The following RYR1 variants were observed in gnomAD, a reference collection of about 807,000 sequenced individuals.
RYR1 encodes the protein central core disease of muscle.
Under a neutral mutation model 583.5 loss-of-function variants are expected in RYR1, and 342 were observed. That is an observed-to-expected ratio of 0.59 (90% CI 0.54 to 0.64). The LOEUF (loss-of-function observed/expected upper bound fraction) is 0.64. RYR1 is among the 30% of genes least tolerant of loss of function. The pLI, the probability that RYR1 is intolerant of heterozygous loss-of-function variation, is 0.00. For missense variants in RYR1, 6,032 were observed against 6,917.2 expected, an observed-to-expected ratio of 0.87 and a Z score of 4.54; for synonymous variants, 2,791 against 2,822.5, an observed-to-expected ratio of 0.99 and a Z score of 0.35.
chr19:38,457,971 G>C lies in RYR1; in HGVS notation c.1926-80G>C, dbSNP rs895912334. On this transcript the variant is annotated intron_variant, in intron 17 of 105. Coordinates refer to ENST00000359596, the MANE Select transcript of RYR1 (RefSeq NM_000540.3). ...TCTCTCTCTCTGTCTTTGGATGTCTGTCTCTCTCTGGCTTCCCACCACTTG... is the reference window on the plus strand; with the variant it reads ...TCTCTCTCTCTGTCTTTGGATGTCTCTCTCTCTCTGGCTTCCCACCACTTG... The C allele has an allele frequency of 1.5e-5, 21 of 1,442,914 alleles. No homozygotes were observed. The African/African-American group carries it at 2.5e-4, about 17-fold the overall frequency. The allele number at this position is 1,442,914 out of a possible 1,614,324, so 89.4% of individuals were successfully genotyped here.
At chr19:38,562,583 C>T (rs981061757) in intron 90 of RYR1, among the ~76,000 whole-genome samples, 2 of 152,146 alleles carry the variant, frequency 1.3e-5, no homozygotes, top group Non-Finnish European at 2.9e-5. Flanking sequence ...AGCTCATGCA[C>T]GCGGGCTCAT....
At chr19:38,487,536 T>G (rs1969355778) in intron 34 of RYR1, among the ~76,000 whole-genome samples, 1 of 152,104 alleles carries the variant, frequency 6.6e-6, no homozygotes, top group African/African-American at 2.4e-5. Context: ...GTATTTTTAA[T>G]AGAGATGGGG....
Position 38,477,066 on chromosome 19 carries a change from AAAAG to A in RYR1, c.4294-641_4294-638del, listed in dbSNP as rs926291968. Reference sequence around the variant, plus strand: ...AAAATAAAAAAATAAGGAAAGAAAAAAAAGAAGAAGAAGAAGGAAAGAAAAAAAA... The same window carrying A: ...AAAATAAAAAAATAAGGAAAGAAAAAAAGAAGAAGAAGGAAAGAAAAAAAA... On this transcript the variant is annotated intron_variant, in intron 29 of 105. Coordinates refer to ENST00000359596, the MANE Select transcript of RYR1 (RefSeq NM_000540.3). Among the ~76,000 whole-genome samples, 12 of 151,968 alleles carry A rather than the reference AAAAG, an allele frequency of 7.9e-5. No individual in the cohort carries two copies. In the South Asian group the frequency reaches 8.3e-4, roughly 10 times the overall value.
Position 38,571,943 on chromosome 19 carries a change from C to T in RYR1, c.13747-76C>T, listed in dbSNP as rs548992441. On this transcript the variant is annotated intron_variant, in intron 94 of 105. Coordinates refer to ENST00000359596, the MANE Select transcript of RYR1 (RefSeq NM_000540.3). ...ATCTGGTATGGTCCCAGTCCAATCT[C>T]GGGAATGGAGGCTCAATTTTGTGAG... 940 of 1,603,790 alleles carry T rather than the reference C, an allele frequency of 5.9e-4. 1 individual carries two copies. The highest frequency in any genetic ancestry group is 6.9e-4 in the Non-Finnish European group (814 of 1,174,202).
In RYR1 at chr19:38,444,463, G is replaced by A; in HGVS notation, c.538-121G>A. On this transcript the variant is annotated intron_variant, in intron 6 of 105. Coordinates refer to ENST00000359596, the MANE Select transcript of RYR1 (RefSeq NM_000540.3). The surrounding 1 kb of genome is among the most constrained non-coding windows in gnomAD (Gnocchi z 5.1). ...GATCATTTCCTGATCTGTGATCTCT[G>A]ATGACTCTGTCTCCCATCTGCCGGT... is the stretch of plus-strand genomic sequence containing the variant. 1.1e-6 allele frequency: 1 copy of A among 902,702 alleles called. No homozygotes were observed. The highest frequency in any genetic ancestry group is 1.4e-5 in the South Asian group (1 of 71,198). The allele number at this position is 902,702 out of a possible 1,614,324, so 55.9% of individuals were successfully genotyped here. A position where few individuals can be genotyped will look rare whatever the true frequency, so the allele number is the denominator to read the frequency against.
rs1967268428 is a variant in RYR1, at chr19:38,454,700, G to A, written c.1441-535G>A. 2.0e-5 allele frequency among the ~76,000 whole-genome samples: 3 copies of A among 151,502 alleles called. No individual in the cohort carries two copies. The South Asian group carries it at 6.2e-4, about 31-fold the overall frequency. On this transcript the variant is annotated intron_variant, in intron 13 of 105. Transcript: ENST00000359596. ...TAATCACTTTATAGAACATAACTAT[G>A]AATAATGAGAATTGATTGTATATGT...
intron 83 of RYR1, chr19:38,536,973 G>A: frequency 1.6e-6 from 1 of 620,320 alleles, no homozygotes. Context: ...AGAATACATG[G>A]GCCTGTGAAC....
chr19:38,469,771 T>TA (rs968645562), intron 27 of RYR1, among the ~76,000 whole-genome samples: 64 of 150,246 alleles, frequency 4.3e-4, no homozygotes, highest in Admixed American at 1.3e-3. Flanking sequence ...TCTCTAAAAA[T>TA]AAAAAAAAAT....
chr19:38,454,787 G>GT (rs1555768019), intron 13 of RYR1, among the ~76,000 whole-genome samples: 3 of 80,330 alleles, frequency 3.7e-5, no homozygotes, highest in African/African-American at 1.3e-4. Flanking sequence ...ATATTAAAAT[G>GT]TAAAAAAAAA....
chr19:38,535,522 T>C lies in RYR1; in HGVS notation c.11516+130T>C, dbSNP rs1971927961. On this transcript the variant is annotated intron_variant, in intron 81 of 105. Coordinates refer to ENST00000359596, the MANE Select transcript of RYR1 (RefSeq NM_000540.3). ...AGAGACTCACTCAGAATCGCTCAAA[T>C]AACAGGGAATTTATTATAAGAATTA... is the stretch of plus-strand genomic sequence containing the variant. 4 of 766,540 alleles carry C rather than the reference T, an allele frequency of 5.2e-6. No homozygotes were observed. The South Asian group carries it at 5.6e-5, about 11-fold the overall frequency. 47.5% of individuals were successfully genotyped at this position (766,540 alleles called of 1,614,324 possible).
chr19:38,517,736 T>A (rs1971041403), intron 66 of RYR1, 45 bp downstream of exon 66: 4 of 1,567,724 alleles, frequency 2.6e-6, no homozygotes, highest in Non-Finnish European at 3.5e-6. Context: ...GTCAGCAGCC[T>A]GGGCTCCCTT....
intron 60 of RYR1, among the ~76,000 whole-genome samples, chr19:38,511,123 C>A (rs1401534316): frequency 6.6e-6 from 1 of 151,948 alleles, no homozygotes; most frequent in Non-Finnish European, 1.5e-5. Context: ...TACTGAGACC[C>A]CATTTCTACA....
intron 20 of RYR1, among the ~76,000 whole-genome samples, chr19:38,462,502 C>T (rs894783791): frequency 3.9e-5 from 6 of 152,100 alleles, no homozygotes; most frequent in Admixed American, 1.3e-4. Context: ...CCCCCGACCC[C>T]GCTTTCCTCA....
At chr19:38,506,598 T>C in intron 56 of RYR1, 52 bp downstream of exon 56, 1 of 1,601,136 alleles carries the variant, frequency 6.2e-7, no homozygotes, top group East Asian at 2.2e-5. Flanking sequence ...CACCGTGTGG[T>C]TTTGCTGATT....
chr19:38,557,872 C>T (rs562214453), intron 89 of RYR1, among the ~76,000 whole-genome samples: 6 of 150,158 alleles, frequency 4.0e-5, no homozygotes, highest in South Asian at 2.1e-4. Context: ...CCCAGCTACT[C>T]GGGAGGCTGA....
intron 84 of RYR1, among the ~76,000 whole-genome samples, chr19:38,542,692 A>G (rs1972250680): frequency 6.7e-6 from 1 of 149,654 alleles, no homozygotes; most frequent in Non-Finnish European, 1.5e-5. Flanking sequence ...CTAATTTTGT[A>G]TTTTTTTTAG....
At chr19:38,509,659 A>G (rs995575799) in intron 58 of RYR1, among the ~76,000 whole-genome samples, 1 of 151,814 alleles carries the variant, frequency 6.6e-6, no homozygotes, top group African/African-American at 2.4e-5. Context: ...GGGTTTCACC[A>G]TGTTGGCCAG....
intron 24 of RYR1, among the ~76,000 whole-genome samples, chr19:38,466,780 C>T (rs4801763): frequency 0.39 from 58,475 of 151,816 alleles, 11,500 homozygotes; most frequent in South Asian, 0.54. Flanking sequence ...GGATTACAGG[C>T]GTGAGCCACT....
intron 54 of RYR1, 142 bp downstream of exon 54, chr19:38,506,088 C>T: frequency 8.2e-7 from 1 of 1,221,066 alleles, no homozygotes; most frequent in East Asian, 2.5e-5. Context: ...AACCTGAGAT[C>T]TGGGAAAGGA....
Sources: gnomAD v4.1 joint callset for allele counts (sites outside exome capture counted in the v4.1 genomes callset) on GRCh38, gnomAD v4.1.1 for gene constraint, Gnocchi (gnomAD v3.1) non-coding constraint, MANE v1.5 for transcripts, NCBI Gene and HGNC (gene_info 2026-07-23, HGNC 2026-07-21) for gene names.